SPATA6L: variants seen among roughly 807,000 people sequenced by gnomAD.
SPATA6L encodes the protein spermatogenesis associated 6 like, also known as spermatogenesis associated 6-like protein.
Under a neutral mutation model 49.2 loss-of-function variants are expected in SPATA6L, and 68 were observed. The observed-to-expected ratio is 1.38, with a 90% confidence interval of 1.14 to 1.69. The LOEUF (loss-of-function observed/expected upper bound fraction) is 1.69. Among genes scored for constraint, SPATA6L ranks in the 40% most tolerant of loss-of-function variants. The probability of loss-of-function intolerance (pLI) is 0.00; values close to 1 mark genes in which losing one functional copy is unlikely to be tolerated. For synonymous variants in SPATA6L, 198 were observed against 165.7 expected, an observed-to-expected ratio of 1.19 and a Z score of -1.50; for missense variants, 668 against 464.3, an observed-to-expected ratio of 1.44 and a Z score of -4.03.
At chr9:4,601,632 C>T (rs778598198) in intron 11 of SPATA6L, among the ~76,000 whole-genome samples, 9 of 152,224 alleles carry the variant, frequency 5.9e-5, no homozygotes, top group African/African-American at 9.6e-5. Flanking sequence ...CCTGAGATCT[C>T]GAGATCGCTG....
At chr9:4,648,158 C>G (rs1290475659) in intron 3 of SPATA6L, among the ~76,000 whole-genome samples, 1 of 151,874 alleles carries the variant, frequency 6.6e-6, no homozygotes, top group Non-Finnish European at 1.5e-5. Flanking sequence ...AAACAGACAA[C>G]AAAAGTAAAA....
intron 5 of SPATA6L, chr9:4,626,644 C>A (rs1467366038): frequency 1.4e-5 from 15 of 1,091,376 alleles, no homozygotes; most frequent in Non-Finnish European, 1.6e-5. Flanking sequence ...CCTGTTTAGC[C>A]ATTTTTAAAA....
chr9:4,595,455 A>G (rs1290237139), downstream of SPATA6L, among the ~76,000 whole-genome samples: 1 of 152,210 alleles, frequency 6.6e-6, no homozygotes, highest in Admixed American at 6.5e-5. Flanking sequence ...AGATCATCAG[A>G]TTAATACTTT....
At chr9:4,647,618 A>G in intron 3 of SPATA6L, among the ~76,000 whole-genome samples, 1 of 152,166 alleles carries the variant, frequency 6.6e-6, no homozygotes, top group African/African-American at 2.4e-5. Flanking sequence ...CAAAAAATAT[A>G]TATATATAAA....
intron 9 of SPATA6L, among the ~76,000 whole-genome samples, chr9:4,612,810 T>C (rs973228234): frequency 2.6e-5 from 4 of 152,142 alleles, no homozygotes; most frequent in Non-Finnish European, 5.9e-5. Context: ...CATCCATCCA[T>C]TAATATTCAG....
chr9:4,647,608 C>CA (rs1835704574), intron 3 of SPATA6L, among the ~76,000 whole-genome samples: 1 of 151,650 alleles, frequency 6.6e-6, no homozygotes, highest in Admixed American at 6.6e-5. Flanking sequence ...AACAAACAAA[C>CA]AAAAAATATA....
rs573178973 is a variant in SPATA6L, at chr9:4,626,519, C to G, written c.430-953G>C. ...AGTTTCTTCTTTAAGCTTCTGTGTTCTTGCTGAACCAACATCTTCCCTTTG... is the reference window on the plus strand; with the variant it reads ...AGTTTCTTCTTTAAGCTTCTGTGTTGTTGCTGAACCAACATCTTCCCTTTG... On this transcript the variant is annotated intron_variant, in intron 5 of 11. Transcript: ENST00000682582. 1.1e-4 allele frequency: 142 copies of G among 1,304,296 alleles called. 2 individuals carry two copies. In the African/African-American group the frequency reaches 2.0e-3, roughly 19 times the overall value. The allele number at this position is 1,304,296 out of a possible 1,614,324, so 80.8% of individuals were successfully genotyped here. A position where few individuals can be genotyped will look rare whatever the true frequency, so the allele number is the denominator to read the frequency against.
intron 9 of SPATA6L, among the ~76,000 whole-genome samples, chr9:4,606,104 G>C (rs922863368): frequency 6.6e-6 from 1 of 152,046 alleles, no homozygotes; most frequent in Admixed American, 6.5e-5. Flanking sequence ...CTTTTCCTAC[G>C]GGCTTAAAAA....
Position 4,608,684 on chromosome 9 carries a change from G to A in SPATA6L, c.996-3244C>T, listed in dbSNP as rs1380673037. Among the ~76,000 whole-genome samples, 46 of 149,726 alleles carry A rather than the reference G, an allele frequency of 3.1e-4. No individual in the cohort carries two copies. In the East Asian group the frequency reaches 8.6e-3, roughly 28 times the overall value. On this transcript the variant is annotated intron_variant, in intron 9 of 11. Coordinates refer to ENST00000682582, the MANE Select transcript of SPATA6L (RefSeq NM_001353486.2). ...AATTTATAGCACTAAATGCCCACAA[G>A]AGAAAGCAGGAAAGATCCAAAATTG...
At position 4,606,535 on chromosome 9, in the gene SPATA6L, C is replaced by T. The variant is rs1174847877; in HGVS notation, c.996-1095G>A. Among the ~76,000 whole-genome samples the T allele has an allele frequency of 1.0e-4, 4 of 38,506 alleles. 2 individuals are homozygous for T. The highest frequency in any genetic ancestry group is 1.8e-4 in the African/African-American group (2 of 11,328). The allele number at this position is 38,506 out of a possible 152,430, so 25.3% of individuals were successfully genotyped here. A position where few individuals can be genotyped will look rare whatever the true frequency, so the allele number is the denominator to read the frequency against. ...ACTGGGAGGCACCCCCCAGCAGGGG[C>T]ACACTGACACCTCACACGGCCGGGT... is the stretch of plus-strand genomic sequence containing the variant. On this transcript the variant is annotated intron_variant, in intron 9 of 11. Coordinates refer to ENST00000682582, the MANE Select transcript of SPATA6L (RefSeq NM_001353486.2).
intron 9 of SPATA6L, among the ~76,000 whole-genome samples, chr9:4,610,713 A>T (rs1216234966): frequency 5.3e-5 from 8 of 151,954 alleles, no homozygotes; most frequent in Non-Finnish European, 1.2e-4. Flanking sequence ...AACCTAGGCA[A>T]TACCATTCAG....
chr9:4,592,412 C>G (rs1436581622), intron 13 of SPATA6L, among the ~76,000 whole-genome samples: 1 of 152,068 alleles, frequency 6.6e-6, no homozygotes, highest in Non-Finnish European at 1.5e-5. Flanking sequence ...GCTCTTACCA[C>G]TTAAATATGA....
At chr9:4,653,124 C>T (rs551712059) in intron 3 of SPATA6L, among the ~76,000 whole-genome samples, 3 of 152,238 alleles carry the variant, frequency 2.0e-5, no homozygotes, top group African/African-American at 7.2e-5. Context: ...TATTACAAAG[C>T]TACGGTAACA....
At chr9:4,650,246 C>T (rs1243214842) in intron 3 of SPATA6L, among the ~76,000 whole-genome samples, 1 of 152,186 alleles carries the variant, frequency 6.6e-6, no homozygotes, top group East Asian at 1.9e-4. Flanking sequence ...GGCCTCAGCT[C>T]ACTTGGTACT....
chr9:4,623,518 AC>A (rs1438909274), intron 6 of SPATA6L, among the ~76,000 whole-genome samples: 2 of 152,044 alleles, frequency 1.3e-5, no homozygotes, highest in Non-Finnish European at 2.9e-5. Context: ...TTTTCATTCT[AC>A]TTTAATATAT....
At chr9:4,636,199 T>C (rs911421018) in intron 3 of SPATA6L, among the ~76,000 whole-genome samples, 1 of 152,146 alleles carries the variant, frequency 6.6e-6, no homozygotes, top group African/African-American at 2.4e-5. Flanking sequence ...TTTGTTTGGA[T>C]CTTTAACCAG....
At chr9:4,636,586 A>C (rs1028353368) in intron 3 of SPATA6L, among the ~76,000 whole-genome samples, 1 of 152,176 alleles carries the variant, frequency 6.6e-6, no homozygotes, top group Admixed American at 6.5e-5. Context: ...ACTATAGCCA[A>C]TGAGGCAGTT....
Position 4,604,167 on chromosome 9 carries a change from A to C in SPATA6L, c.*1+12T>G. The C allele has an allele frequency of 6.3e-7, 1 of 1,587,106 alleles. No individual in the cohort carries two copies. Among genetic ancestry groups the C allele is most frequent in the Non-Finnish European group, 8.6e-7 (1 of 1,161,016 alleles). On this transcript the variant is annotated intron_variant, in intron 11 of 11. Transcript: ENST00000682582. ...AGAAGCACTTAAGCTGCTTACTTAC[A>C]TAAGACAGTACCTTAAAAATATCTC...
intron 3 of SPATA6L, among the ~76,000 whole-genome samples, chr9:4,652,692 T>G (rs146713822): frequency 6.6e-6 from 1 of 151,586 alleles, no homozygotes; most frequent in East Asian, 1.9e-4. Context: ...AAATACAAAA[T>G]TAGCCAGGCG....
Sources: allele counts gnomAD v4.1 joint callset (sites outside exome capture counted in the v4.1 genomes callset), GRCh38; gene constraint gnomAD v4.1.1; transcripts MANE v1.5; gene names NCBI Gene and HGNC (gene_info 2026-07-23, HGNC 2026-07-21).